ULK4: variants seen among roughly 807,000 people sequenced by gnomAD.
ULK4 encodes the protein inactive serine/threonine-protein kinase ULK4.
In ULK4, 133 loss-of-function variants were observed where a neutral mutation model predicts 160.6. That is an observed-to-expected ratio of 0.83 (90% CI 0.72 to 0.96). The LOEUF is 0.96. Among genes scored for constraint, ULK4 ranks in the 40% least tolerant of loss-of-function variants. The pLI is 0.00. For synonymous variants in ULK4, 534 were observed against 539.8 expected (o/e 0.99, Z 0.15); for missense variants, 1,580 against 1,499.5 (o/e 1.05, Z -0.89).
chr3:41,789,615 G>A, intron 21 of ULK4, 46 bp downstream of exon 21: 1 of 1,481,186 alleles, frequency 6.8e-7, no homozygotes, highest in Non-Finnish European at 9.0e-7. Flanking sequence ...AAATGCAGAA[G>A]AAAACAATTT....
chr3:41,465,000 A>T (rs2083790882), intron 32 of ULK4, among the ~76,000 whole-genome samples: 1 of 152,206 alleles, frequency 6.6e-6, no homozygotes. Flanking sequence ...CAGACAACAG[A>T]TGCCAAGCTC....
At chr3:41,673,319 A>G (rs1220201446) in intron 29 of ULK4, among the ~76,000 whole-genome samples, 1 of 152,174 alleles carries the variant, frequency 6.6e-6, no homozygotes, top group African/African-American at 2.4e-5. Context: ...AGCCACAAAT[A>G]GAGAAATCAG....
chr3:41,704,294 C>T (rs917893776), intron 27 of ULK4, among the ~76,000 whole-genome samples: 2 of 152,074 alleles, frequency 1.3e-5, no homozygotes, highest in South Asian at 2.1e-4. Context: ...TATACCAAAT[C>T]GCCAGTGCTT....
intron 35 of ULK4, among the ~76,000 whole-genome samples, chr3:41,384,769 G>C (rs890118888): frequency 6.6e-6 from 1 of 152,150 alleles, no homozygotes; most frequent in Admixed American, 6.5e-5. Flanking sequence ...ATTTTCAGTA[G>C]AGATGGAGTT....
intron 34 of ULK4, among the ~76,000 whole-genome samples, chr3:41,417,337 AG>A (rs1284167938): frequency 6.6e-6 from 1 of 152,162 alleles, no homozygotes; most frequent in Non-Finnish European, 1.5e-5. Context: ...TGGTAAAGGA[AG>A]GGGAATATGT....
intron 5 of ULK4, among the ~76,000 whole-genome samples, chr3:41,920,697 A>C (rs1312019755): frequency 6.6e-6 from 1 of 152,106 alleles, no homozygotes; most frequent in African/African-American, 2.4e-5. Context: ...AATGATTTGG[A>C]AACAAAATTC....
chr3:41,845,448 CTATT>C (rs1362824604), intron 17 of ULK4, among the ~76,000 whole-genome samples: 1 of 152,140 alleles, frequency 6.6e-6, no homozygotes, highest in East Asian at 1.9e-4. Context: ...AACCATATGA[CTATT>C]TATACAACAT....
At chr3:41,286,375 C>G (rs1216081908) in intron 35 of ULK4, among the ~76,000 whole-genome samples, 1 of 152,000 alleles carries the variant, frequency 6.6e-6, no homozygotes, top group African/African-American at 2.4e-5. Context: ...ATTAAGTTAA[C>G]CTGGTAGCTA....
At position 41,412,622 on chromosome 3, in the gene ULK4, G is replaced by T. The variant is rs182471482; in HGVS notation, c.3493-14358C>A. ...GTTGCCCAGGCTGGAGTGCAGTGTC[G>T]CAATCTCTGCTTAATGCAACCTCTG... On this transcript the variant is annotated intron_variant, in intron 34 of 36. Coordinates refer to ENST00000301831, the MANE Select transcript of ULK4 (RefSeq NM_017886.4). 8.6e-4 allele frequency among the ~76,000 whole-genome samples: 121 copies of T among 140,756 alleles called. 1 individual carries two copies. The highest frequency in any genetic ancestry group is 2.8e-3 in the African/African-American group (103 of 36,812). 92.3% of individuals were successfully genotyped at this position (140,756 alleles called of 152,430 possible).
chr3:41,643,854 CTCTTT>C (rs1322135018), intron 30 of ULK4, among the ~76,000 whole-genome samples: 1 of 152,152 alleles, frequency 6.6e-6, no homozygotes, highest in African/African-American at 2.4e-5. Flanking sequence ...TGTTTGTATC[CTCTTT>C]TATTTCATTG....
intron 35 of ULK4, among the ~76,000 whole-genome samples, chr3:41,381,487 C>T (rs796966972): frequency 3.3e-5 from 5 of 152,296 alleles, no homozygotes; most frequent in African/African-American, 1.2e-4. Context: ...CTGGTTTTCT[C>T]TCTGCCCTCA....
chr3:41,333,058 G>A (rs1287324604), intron 35 of ULK4, among the ~76,000 whole-genome samples: 1 of 152,032 alleles, frequency 6.6e-6, no homozygotes, highest in Non-Finnish European at 1.5e-5. Flanking sequence ...TTTATGCAAA[G>A]CCATGATAAA....
At chr3:41,325,892 C>A (rs1188646263) in intron 35 of ULK4, among the ~76,000 whole-genome samples, 1 of 151,818 alleles carries the variant, frequency 6.6e-6, no homozygotes. Context: ...GCACTCCAGC[C>A]TGGGTGACAC....
chr3:41,491,173 C>A (rs2084746058), intron 32 of ULK4, among the ~76,000 whole-genome samples: 1 of 152,108 alleles, frequency 6.6e-6, no homozygotes, highest in Non-Finnish European at 1.5e-5. Context: ...AAGAGCCCTA[C>A]CATATTTTTG....
intron 25 of ULK4, among the ~76,000 whole-genome samples, chr3:41,706,487 G>T (rs956034095): frequency 1.4e-5 from 2 of 147,992 alleles, no homozygotes; most frequent in Admixed American, 6.8e-5. Flanking sequence ...AGATGACCTC[G>T]GAACTAAAAA....
At chr3:41,368,179 C>T (rs2081290157) in intron 35 of ULK4, among the ~76,000 whole-genome samples, 1 of 151,668 alleles carries the variant, frequency 6.6e-6, no homozygotes, top group South Asian at 2.1e-4. Context: ...TCCTGAGTAG[C>T]TGGCACTACA....
chr3:41,430,690 G>C (rs970891689), intron 34 of ULK4, among the ~76,000 whole-genome samples: 5 of 152,230 alleles, frequency 3.3e-5, no homozygotes, highest in Non-Finnish European at 5.9e-5. Flanking sequence ...ATGCTGCATG[G>C]GAAAGGCCTC....
At chr3:41,721,279 T>TTTTTTTTTTTTG (rs67078043) in intron 22 of ULK4, among the ~76,000 whole-genome samples, 1 of 98,922 alleles carries the variant, frequency 1.0e-5, no homozygotes, top group African/African-American at 4.4e-5. Flanking sequence ...TTTTTTTTTT[T>TTTTTTTTTTTTG]TTTTTGGGTT....
At chr3:41,667,645 T>C (rs1017741332) in intron 29 of ULK4, among the ~76,000 whole-genome samples, 3 of 152,148 alleles carry the variant, frequency 2.0e-5, no homozygotes, top group Non-Finnish European at 4.4e-5. Context: ...CCTAGTGCCC[T>C]GAGGCTGGCC....
Sources: allele counts gnomAD v4.1 joint callset (sites outside exome capture counted in the v4.1 genomes callset), GRCh38; gene constraint gnomAD v4.1.1; transcripts MANE v1.5; gene names NCBI Gene and HGNC (gene_info 2026-07-23, HGNC 2026-07-21).